Variants in FSIP2 observed in about 807,000 individuals in gnomAD.
The protein encoded by FSIP2 is fibrous sheath-interacting protein 2.
In FSIP2, 367 loss-of-function variants were observed where a neutral mutation model predicts 510.5. The ratio of observed to expected loss-of-function variants is 0.72; its 90% CI spans 0.66 to 0.78. The LOEUF (loss-of-function observed/expected upper bound fraction) is 0.78, where lower values mean the gene tolerates loss of function less well. Ranked by LOEUF, FSIP2 falls within the 30% of genes least tolerant of loss-of-function variation. The probability of loss-of-function intolerance (pLI) is 0.00; values close to 1 mark genes in which losing one functional copy is unlikely to be tolerated. For synonymous variants in FSIP2, 2,601 were observed against 2,732.2 expected, an observed-to-expected ratio of 0.95 and a Z score of 1.50; for missense variants, 7,594 against 7,901.7, an observed-to-expected ratio of 0.96 and a Z score of 1.48.
intron 8 of FSIP2, among the ~76,000 whole-genome samples, chr2:185,755,827 A>G (rs897201450): frequency 6.6e-6 from 1 of 151,596 alleles, no homozygotes; most frequent in Admixed American, 6.6e-5. Context: ...TATGCCAGGC[A>G]GCAAGGCATA....
chr2:185,744,637 A>G (rs919285851), intron 4 of FSIP2: 4 of 177,418 alleles, frequency 2.3e-5, no homozygotes, highest in African/African-American at 4.7e-5. Flanking sequence ...CACCAGTGGT[A>G]GCTGGCATAA....
Position 185,833,233 on chromosome 2 carries a change from T to G in FSIP2, c.*7T>G. Reference sequence around the variant, plus strand: ...TCACCAGGATGAACACTGAAGCTTTTGTACCTGATATAAGTATGCTTACTT... The same window carrying G: ...TCACCAGGATGAACACTGAAGCTTTGGTACCTGATATAAGTATGCTTACTT... On this transcript the variant is annotated 3_prime_UTR_variant, in exon 23 of 23. Coordinates refer to ENST00000424728, the MANE Select transcript of FSIP2 (RefSeq NM_173651.4). 6.2e-7 allele frequency: 1 copy of G among 1,600,750 alleles called. No homozygotes were observed. The highest frequency in any genetic ancestry group is 2.2e-5 in the East Asian group (1 of 44,656).
intron 7 of FSIP2, among the ~76,000 whole-genome samples, chr2:185,749,246 A>ACCT (rs1380380591): frequency 6.6e-6 from 1 of 151,782 alleles, no homozygotes; most frequent in Non-Finnish European, 1.5e-5. Flanking sequence ...GGCACAATTT[A>ACCT]CCTCTTTATA....
At chr2:185,781,538 T>G (rs1303028871) in intron 13 of FSIP2, among the ~76,000 whole-genome samples, 1 of 152,162 alleles carries the variant, frequency 6.6e-6, no homozygotes, top group Non-Finnish European at 1.5e-5. Context: ...GGGGGCCCAA[T>G]GTCTTGTTTT....
chr2:185,785,583 A>G (rs567060997), intron 14 of FSIP2, among the ~76,000 whole-genome samples: 52 of 146,946 alleles, frequency 3.5e-4, no homozygotes, highest in Non-Finnish European at 6.7e-4. Flanking sequence ...TTATTTTTCT[A>G]TTATTTTTAT....
chr2:185,738,524 G>A, upstream of FSIP2: 1 of 1,297,594 alleles, frequency 7.7e-7, no homozygotes, highest in Non-Finnish European at 1.0e-6. Context: ...TTTATTGAAC[G>A]GAACAGGGCT....
intron 13 of FSIP2, among the ~76,000 whole-genome samples, chr2:185,778,864 G>A (rs1176057713): frequency 2.0e-5 from 3 of 151,760 alleles, no homozygotes; most frequent in African/African-American, 7.3e-5. Context: ...ATGATAGTGG[G>A]CTTGCAAACT....
chr2:185,801,008 C>T lies in FSIP2; in HGVS notation c.11702C>T (p.Ser3901Phe). The T allele has an allele frequency of 6.5e-7, 1 of 1,531,918 alleles. No individual in the cohort carries two copies. Among genetic ancestry groups the T allele is most frequent in the Non-Finnish European group, 8.7e-7 (1 of 1,144,152 alleles). The allele number at this position is 1,531,918 out of a possible 1,614,324, so 94.9% of individuals were successfully genotyped here. ...ELIELGQSKS[S>F]LELRSYDSNS... ...ATAGAATTAGGACAGAGTAAAAGTT[C>T]TTTAGAACTCAGGAGCTATGATAGT... Residue 3901 changes from serine (S) to phenylalanine (F), a missense_variant, in exon 17 of 23, where the codon TCT (serine) becomes TTT (phenylalanine). By Grantham distance (155) the Ser-to-Phe change is radical. Transcript: ENST00000424728.
chr2:185,763,706 G>A (rs1319416732), intron 12 of FSIP2, among the ~76,000 whole-genome samples: 1 of 151,566 alleles, frequency 6.6e-6, no homozygotes, highest in African/African-American at 2.4e-5. Context: ...TTCATCATTA[G>A]TATAGTATTA....
At chr2:185,786,795 G>A (rs1692992070) in intron 15 of FSIP2, among the ~76,000 whole-genome samples, 1 of 151,832 alleles carries the variant, frequency 6.6e-6, no homozygotes. Flanking sequence ...GAAAAGTCAG[G>A]AAAGAGAAAG....
At position 185,813,776 on chromosome 2, in the gene FSIP2, G is replaced by A. The variant is rs764142679; in HGVS notation, c.20059G>A (p.Val6687Met). Residue 6687 changes from valine to methionine, a missense_variant, in exon 18 of 23, where the codon GTG (valine) becomes ATG (methionine). Physicochemically the swap from Val to Met is conservative, Grantham distance 21. Transcript: ENST00000424728. ...EEGIKVFEDQ[V>M]KEVKKPIQSK... ...AGGCATCAAAGTATTTGAAGATCAA[G>A]TGAAAGAAGTCAAGAAGCCAATACA... 1.1e-5 allele frequency: 17 copies of A among 1,613,290 alleles called. No homozygotes were observed. Among genetic ancestry groups the A allele is most frequent in the Non-Finnish European group, 1.4e-5 (16 of 1,179,676 alleles).
chr2:185,791,999 T>C lies in FSIP2; in HGVS notation c.4863T>C (p.Tyr1621=), dbSNP rs1693142247. 2 of 1,533,818 alleles carry C rather than the reference T, an allele frequency of 1.3e-6. No individual in the cohort carries two copies. The highest frequency in any genetic ancestry group is 2.7e-5 in the African/African-American group (2 of 72,858). ...AAAGCAATAAGATAGGCTGGGAATATGAAAGCACCAATATTTCCAGAGACA... is the reference window on the plus strand; with the variant it reads ...AAAGCAATAAGATAGGCTGGGAATACGAAAGCACCAATATTTCCAGAGACA... The part of the protein sequence containing the change: ...NKKSNKIGWE[Y]ESTNISRDTH... Residue 1621 remains tyrosine (Y), a synonymous_variant, in exon 16 of 23, where the codon TAT becomes TAC. Coordinates refer to ENST00000424728, the MANE Select transcript of FSIP2 (RefSeq NM_173651.4).
intron 7 of FSIP2, among the ~76,000 whole-genome samples, chr2:185,748,684 C>T (rs1692084270): frequency 6.6e-6 from 1 of 152,074 alleles, no homozygotes; most frequent in Admixed American, 6.6e-5. Flanking sequence ...TTAGTGAAGA[C>T]TAATGCAACT....
intron 9 of FSIP2, among the ~76,000 whole-genome samples, chr2:185,758,860 T>A (rs1692295941): frequency 6.6e-6 from 1 of 151,366 alleles, no homozygotes; most frequent in African/African-American, 2.4e-5. Context: ...TTTCTTCATT[T>A]TTGTGGCTTT....
intron 7 of FSIP2, among the ~76,000 whole-genome samples, chr2:185,750,429 T>A (rs1042357877): frequency 6.6e-6 from 1 of 151,594 alleles, no homozygotes; most frequent in Non-Finnish European, 1.5e-5. Flanking sequence ...TCCTTTGTTA[T>A]CATTTGAGTA....
At position 185,791,795 on chromosome 2, in the gene FSIP2, TAAAAGCAAGGC is replaced by T; in HGVS notation, c.4664_4674del (p.Ser1555ThrfsTer19). The T allele has an allele frequency of 6.5e-7, 1 of 1,534,334 alleles. No individual in the cohort carries two copies. The highest frequency in any genetic ancestry group is 1.2e-5 in the South Asian group (1 of 83,966). ...TTCAGGAGGACAATAAAGAAGAGAC[TAAAAGCAAGGC>T]AAAACCTGTTGCTCCTGTGTCTTCC... On this transcript the variant is annotated frameshift_variant, in exon 16 of 23. Transcript: ENST00000424728. LOFTEE classifies it high-confidence loss of function.
intron 19 of FSIP2, among the ~76,000 whole-genome samples, chr2:185,819,506 C>A (rs372688090): frequency 6.6e-6 from 1 of 151,638 alleles, no homozygotes; most frequent in African/African-American, 2.4e-5. Flanking sequence ...GAAAAATATA[C>A]CCCATGTAAA....
chr2:185,747,399 A>C lies in FSIP2; in HGVS notation c.846A>C (p.Arg282Ser). The change falls in exon 7 of 23, where the codon AGA (arginine) becomes AGC (serine). Residue 282 changes from arginine (R) to serine (S), a missense_variant. Transcript: ENST00000424728. ...REERIEEQQH[R>S]NREESDRKKQ... Reference sequence around the variant, plus strand: ...AGAGGATAGAAGAACAACAGCATAGAAACAGAGAAGAGAGTGACAGGAAGG... The same window carrying C: ...AGAGGATAGAAGAACAACAGCATAGCAACAGAGAAGAGAGTGACAGGAAGG... The C allele has an allele frequency of 6.6e-7, 1 of 1,526,304 alleles. No individual in the cohort carries two copies. 94.5% of individuals were successfully genotyped at this position (1,526,304 alleles called of 1,614,324 possible). A position where few individuals can be genotyped will look rare whatever the true frequency, so the allele number is the denominator to read the frequency against.
upstream of FSIP2, chr2:185,738,707 C>A (rs1161851538): frequency 7.8e-6 from 12 of 1,536,084 alleles, no homozygotes; most frequent in Non-Finnish European, 1.0e-5. Flanking sequence ...TACGCGCTGG[C>A]GCGAGCCGCC....
Sources: allele counts gnomAD v4.1 joint callset (sites outside exome capture counted in the v4.1 genomes callset), GRCh38; gene constraint gnomAD v4.1.1; transcripts MANE v1.5; gene names NCBI Gene and HGNC (gene_info 2026-07-23, HGNC 2026-07-21).